The following KIF16B variants were observed in gnomAD, a reference collection of about 807,000 sequenced individuals.
The protein encoded by KIF16B is kinesin-like protein KIF16B.
KIF16B carries 98 observed loss-of-function variants against 156.3 expected under a neutral mutation model. That is an observed-to-expected ratio of 0.63 (90% CI 0.53 to 0.74). The LOEUF is 0.74. Ranked by LOEUF, KIF16B falls within the 30% of genes least tolerant of loss-of-function variation. The probability of loss-of-function intolerance (pLI) is 0.00; values close to 1 mark genes in which losing one functional copy is unlikely to be tolerated. For missense variants in KIF16B, 1,421 were observed against 1,606.5 expected, an observed-to-expected ratio of 0.88 and a Z score of 1.97; for synonymous variants, 564 against 583.7, an observed-to-expected ratio of 0.97 and a Z score of 0.49.
rs907059984 is a variant in KIF16B, at chr20:16,480,809, GT to G, written c.1302+13481del. Among the ~76,000 whole-genome samples the G allele has an allele frequency of 1.8e-4, 28 of 151,452 alleles. 1 individual carries two copies. Among genetic ancestry groups the G allele is most frequent in the East Asian group, 9.7e-4 (5 of 5,170 alleles). Reference sequence around the variant, plus strand: ...TCTCAATCAAAAACCAATTCAAATAGTTTTTTTTTAATTCTGTGAACAAATA... The same window carrying G: ...TCTCAATCAAAAACCAATTCAAATAGTTTTTTTTAATTCTGTGAACAAATA... On this transcript the variant is annotated intron_variant, in intron 12 of 25. Coordinates refer to ENST00000354981, the MANE Select transcript of KIF16B (RefSeq NM_024704.5).
intron 12 of KIF16B, among the ~76,000 whole-genome samples, chr20:16,475,650 C>T (rs11699251): frequency 0.38 from 57,635 of 152,012 alleles, 12,531 homozygotes; most frequent in African/African-American, 0.6. Context: ...AGGAATTGTA[C>T]ATTTTAATTC....
chr20:16,495,142 T>C (rs1223757826), intron 11 of KIF16B, among the ~76,000 whole-genome samples: 4 of 152,196 alleles, frequency 2.6e-5, no homozygotes, highest in East Asian at 1.9e-4. Flanking sequence ...CCAAGGTCTA[T>C]AGGAGAGTAG....
At chr20:16,473,837 AG>A (rs1353176037) in intron 12 of KIF16B, among the ~76,000 whole-genome samples, 1 of 152,236 alleles carries the variant, frequency 6.6e-6, no homozygotes, top group Non-Finnish European at 1.5e-5. Context: ...CTGATGGCTC[AG>A]ATAATGAAAC....
At chr20:16,327,056 T>C (rs1032732287) in intron 24 of KIF16B, among the ~76,000 whole-genome samples, 1 of 128,178 alleles carries the variant, frequency 7.8e-6, no homozygotes, top group African/African-American at 3.1e-5. Context: ...TATGTATGTA[T>C]ATGTATACAT....
chr20:16,562,556 G>A (rs534822759), intron 1 of KIF16B, among the ~76,000 whole-genome samples: 1 of 152,092 alleles, frequency 6.6e-6, no homozygotes, highest in Non-Finnish European at 1.5e-5. Context: ...GAAAGTAAGA[G>A]GCATGTGTGG....
chr20:16,544,605 C>CT (rs2070330681), intron 1 of KIF16B, among the ~76,000 whole-genome samples: 1 of 39,736 alleles, frequency 2.5e-5, no homozygotes, highest in Non-Finnish European at 4.4e-5. Context: ...GAAAAGCCAT[C>CT]TCAAAAAAAA....
intron 12 of KIF16B, among the ~76,000 whole-genome samples, chr20:16,434,485 C>T (rs1415230140): frequency 1.5e-5 from 2 of 134,464 alleles, no homozygotes; most frequent in Non-Finnish European, 3.1e-5. Context: ...GATACAAAAA[C>T]TTACCAACAA....
intron 20 of KIF16B, among the ~76,000 whole-genome samples, chr20:16,373,103 C>G (rs1182936114): frequency 6.6e-6 from 1 of 152,140 alleles, no homozygotes; most frequent in African/African-American, 2.4e-5. Flanking sequence ...GCAATCATTT[C>G]TATACTACTG....
chr20:16,455,049 C>T (rs1272140358), intron 12 of KIF16B, among the ~76,000 whole-genome samples: 1 of 152,132 alleles, frequency 6.6e-6, no homozygotes, highest in African/African-American at 2.4e-5. Flanking sequence ...TGAGTTTGTG[C>T]ATCCAAAAAG....
At chr20:16,417,296 T>C (rs537942069) in intron 15 of KIF16B, among the ~76,000 whole-genome samples, 2 of 152,138 alleles carry the variant, frequency 1.3e-5, no homozygotes, top group East Asian at 1.9e-4. Flanking sequence ...ACTGCACAGG[T>C]CCCAGCCTGG....
intron 17 of KIF16B, among the ~76,000 whole-genome samples, chr20:16,393,093 G>A (rs1270649148): frequency 6.6e-6 from 1 of 152,122 alleles, no homozygotes; most frequent in East Asian, 1.9e-4. Flanking sequence ...TGTATATCTA[G>A]TGCAATCTCA....
At chr20:16,393,243 G>A (rs2146181575) in intron 17 of KIF16B, among the ~76,000 whole-genome samples, 1 of 152,114 alleles carries the variant, frequency 6.6e-6, no homozygotes, top group African/African-American at 2.4e-5. Context: ...GAATACTTGT[G>A]ATTACTTTAT....
chr20:16,466,685 AG>A (rs1277861519), intron 12 of KIF16B, among the ~76,000 whole-genome samples: 40 of 152,316 alleles, frequency 2.6e-4, no homozygotes, highest in African/African-American at 9.6e-4. Context: ...TAAATTACCC[AG>A]TCTTGAGTAT....
chr20:16,367,119 T>C (rs904409721), intron 22 of KIF16B: 4 of 1,530,390 alleles, frequency 2.6e-6, no homozygotes, highest in Non-Finnish European at 3.5e-6. Flanking sequence ...TCAAAAAACA[T>C]GTAGTGCATC....
At chr20:16,527,163 A>G (rs1274785830) in intron 2 of KIF16B, among the ~76,000 whole-genome samples, 3 of 152,218 alleles carry the variant, frequency 2.0e-5, no homozygotes, top group Non-Finnish European at 4.4e-5. Flanking sequence ...AATATGCGAG[A>G]GGCCAAAGGA....
rs145791096 is a variant in KIF16B, at chr20:16,302,703, T to C, written c.3795+9632A>G. On this transcript the variant is annotated intron_variant, in intron 25 of 25. Coordinates refer to ENST00000354981, the MANE Select transcript of KIF16B (RefSeq NM_024704.5). ...CATCAGAATTTTGTAGTTTTACTCATATAGAGCTTGTACATATTTTGTTAG... is the reference window on the plus strand; with the variant it reads ...CATCAGAATTTTGTAGTTTTACTCACATAGAGCTTGTACATATTTTGTTAG... Among the ~76,000 whole-genome samples, 645 of 152,344 alleles carry C rather than the reference T, an allele frequency of 4.2e-3. 3 individuals are homozygous for C. Among genetic ancestry groups the C allele is most frequent in the South Asian group, 0.029 (141 of 4,822 alleles).
chr20:16,427,183 T>C lies in KIF16B; in HGVS notation c.1533A>G (p.Thr511=), dbSNP rs781756119. The C allele has an allele frequency of 3.7e-6, 6 of 1,612,994 alleles. No homozygotes were observed. The highest frequency in any genetic ancestry group is 2.2e-5 in the South Asian group (2 of 90,942). ...EHCIFENIGG[T]VTLIPLSGSQ... is the part of the protein sequence containing the mutation. ...ACCCACTCAGGGGTATCAGAGTCAC[T>C]GTCCCCCCGATATTTTCAAAGATGC... The change falls in exon 15 of 26, where the codon ACA becomes ACG. Residue 511 remains threonine (T), a synonymous_variant. Transcript: ENST00000354981.
intron 22 of KIF16B, among the ~76,000 whole-genome samples, chr20:16,358,926 CCA>C (rs1427708585): frequency 6.6e-6 from 1 of 152,144 alleles, no homozygotes; most frequent in Non-Finnish European, 1.5e-5. Flanking sequence ...CACCTATGTG[CCA>C]CACAGAGGGT....
chr20:16,310,381 G>A (rs191351639), intron 25 of KIF16B, among the ~76,000 whole-genome samples: 1 of 152,328 alleles, frequency 6.6e-6, no homozygotes, highest in East Asian at 1.9e-4. Context: ...ATGAAAGAGT[G>A]CCCTGAACTT....
Sources: gnomAD v4.1 joint callset for allele counts (sites outside exome capture counted in the v4.1 genomes callset) on GRCh38, gnomAD v4.1.1 for gene constraint, MANE v1.5 for transcripts, NCBI Gene and HGNC (gene_info 2026-07-23, HGNC 2026-07-21) for gene names.